Variants in DDX60L observed in about 807,000 individuals in gnomAD.
DDX60L encodes the protein DExD/H-box 60 like.
A neutral mutation model predicts 211.6 loss-of-function variants in DDX60L; 191 were observed. The ratio of observed to expected loss-of-function variants is 0.90; its 90% CI spans 0.80 to 1.02. The LOEUF (loss-of-function observed/expected upper bound fraction) is 1.02, where lower values mean the gene tolerates loss of function less well. Among genes scored for constraint, DDX60L ranks in the 50% least tolerant of loss-of-function variants. The pLI is 0.00. For synonymous variants in DDX60L, 706 were observed against 694.1 expected (o/e 1.02, Z -0.27); for missense variants, 2,007 against 1,984.1 (o/e 1.01, Z -0.22).
intron 33 of DDX60L, among the ~76,000 whole-genome samples, chr4:168,376,797 G>A (rs1579239237): frequency 2.6e-5 from 4 of 152,340 alleles, no homozygotes; most frequent in Admixed American, 2.6e-4. Flanking sequence ...CCCATCAGGA[G>A]AGCAAGCTCT....
At chr4:168,454,074 G>T (rs2712140) in intron 7 of DDX60L, among the ~76,000 whole-genome samples, 1 of 152,012 alleles carries the variant, frequency 6.6e-6, no homozygotes, top group East Asian at 1.9e-4. Flanking sequence ...ACCCTATGAT[G>T]GGTGCTATTC....
At chr4:168,477,566 A>G (rs1446171794) in intron 1 of DDX60L, among the ~76,000 whole-genome samples, 1 of 152,206 alleles carries the variant, frequency 6.6e-6, no homozygotes, top group African/African-American at 2.4e-5. Flanking sequence ...AACATACCAC[A>G]GGTTTGTAAT....
At chr4:168,396,242 C>G in intron 26 of DDX60L, 118 bp from the exon 27 acceptor site, 1 of 602,562 alleles carries the variant, frequency 1.7e-6, no homozygotes, top group South Asian at 2.7e-5. Flanking sequence ...GTAGCTCCAT[C>G]AATCCTGACT....
chr4:168,416,780 T>C lies in DDX60L; in HGVS notation c.2628A>G (p.Arg876=), dbSNP rs759006232. The change falls in exon 20 of 38, where the codon AGA becomes AGG. Residue 876 remains arginine, a synonymous_variant. Coordinates refer to ENST00000682922, the MANE Select transcript of DDX60L (RefSeq NM_001012967.3). The stretch of plus-strand genomic sequence containing the variant: ...GCTCCCAAAATTTTGCTCCAACTTC[T>C]CTGCCAAGATAATGGACCTAGTAAA... ...VIFDEVHYLG[R]EVGAKFWELL... The C allele has an allele frequency of 8.8e-6, 14 of 1,591,094 alleles. No homozygotes were observed. In the African/African-American group the frequency reaches 9.5e-5, roughly 11 times the overall value.
At chr4:168,433,161 C>A in intron 10 of DDX60L, 46 bp from the exon 11 acceptor site, 2 of 1,242,902 alleles carry the variant, frequency 1.6e-6, no homozygotes, top group Non-Finnish European at 2.3e-6. Flanking sequence ...GTGTAACTAT[C>A]CTATATGAAT....
intron 22 of DDX60L, among the ~76,000 whole-genome samples, chr4:168,411,860 G>A (rs1057426761): frequency 2.6e-5 from 4 of 152,022 alleles, no homozygotes; most frequent in African/African-American, 9.7e-5. Context: ...TGAGAGGAGA[G>A]GGAAGAGTAA....
chr4:168,376,166 A>C (rs1490079027), intron 33 of DDX60L, among the ~76,000 whole-genome samples: 2 of 152,198 alleles, frequency 1.3e-5, no homozygotes, highest in Non-Finnish European at 2.9e-5. Context: ...AATAGCTATG[A>C]CATTAGAAAT....
intron 4 of DDX60L, chr4:168,469,706 T>C (rs1247174977): frequency 1.3e-5 from 2 of 152,192 alleles, no homozygotes; most frequent in Middle Eastern, 6.8e-3. Context: ...TGAAACCCCA[T>C]GTCTACTAAA....
intron 17 of DDX60L, 34 bp from the exon 18 acceptor site, chr4:168,420,414 A>G (rs988211230): frequency 6.3e-7 from 1 of 1,580,742 alleles, no homozygotes; most frequent in Admixed American, 1.9e-5. Flanking sequence ...TTAGTCACTT[A>G]GTAGAGAAGA....
intron 22 of DDX60L, among the ~76,000 whole-genome samples, 188 bp downstream of exon 22, chr4:168,415,220 T>C (rs1270985353): frequency 6.6e-6 from 1 of 151,990 alleles, no homozygotes; most frequent in Admixed American, 6.6e-5. Flanking sequence ...ACAGCTACTT[T>C]AGATGCCCAC....
chr4:168,406,690 A>C lies in DDX60L; in HGVS notation c.2996T>G (p.Phe999Cys). 1 of 1,597,954 alleles carries C rather than the reference A, an allele frequency of 6.3e-7. No individual in the cohort carries two copies. The highest frequency in any genetic ancestry group is 8.5e-7 in the Non-Finnish European group (1 of 1,173,708). ...LTTDIIEKYGFPPDLTLTPQE... is the reference protein window; with the variant it reads ...LTTDIIEKYGCPPDLTLTPQE... ...AGGGGTGAGGGTAAGATCAGGTGGG[A>C]ATCCATACTTTTCAATCTGTGAATA... Residue 999 changes from phenylalanine (F) to cysteine (C), a missense_variant, in exon 23 of 38, where the codon TTC (phenylalanine) becomes TGC (cysteine). Transcript: ENST00000682922.
chr4:168,357,203 G>A lies in DDX60L; in HGVS notation c.*944C>T, dbSNP rs1738326771. The stretch of plus-strand genomic sequence containing the variant: ...CAGGAAGTGTACTCTTGATCATTTA[G>A]AAATAAGAAAGTGTAGGGGACTTAA... On this transcript the variant is annotated 3_prime_UTR_variant, in exon 38 of 38. Coordinates refer to ENST00000682922, the MANE Select transcript of DDX60L (RefSeq NM_001012967.3). The A allele has an allele frequency of 6.6e-6, 1 of 152,156 alleles. No individual in the cohort carries two copies. Among genetic ancestry groups the A allele is most frequent in the African/African-American group, 2.4e-5 (1 of 41,432 alleles). The allele number at this position is 152,156 out of a possible 1,614,324, so 9.4% of individuals were successfully genotyped here.
At chr4:168,361,908 C>G (rs1465418203) in intron 36 of DDX60L, among the ~76,000 whole-genome samples, 1 of 152,190 alleles carries the variant, frequency 6.6e-6, no homozygotes, top group African/African-American at 2.4e-5. Context: ...ACCTAAGCAG[C>G]TATGGCATGA....
intron 35 of DDX60L, 111 bp downstream of exon 35, chr4:168,373,555 G>T: frequency 9.3e-7 from 1 of 1,073,956 alleles, no homozygotes; most frequent in African/African-American, 1.6e-5. Context: ...ATGCTCATCA[G>T]TGGACATTTT....
At chr4:168,378,625 C>G in intron 32 of DDX60L, 150 bp from the exon 33 acceptor site, 2 of 572,852 alleles carry the variant, frequency 3.5e-6, no homozygotes, top group Non-Finnish European at 6.0e-6. Context: ...ATTTGCAATA[C>G]TATGTGCACA....
intron 17 of DDX60L, among the ~76,000 whole-genome samples, chr4:168,421,021 A>G (rs1750519855): frequency 6.6e-6 from 1 of 152,052 alleles, no homozygotes; most frequent in African/African-American, 2.4e-5. Context: ...ACACAAAGAG[A>G]TTTTTCTGTT....
chr4:168,416,868 C>A (rs539717903), intron 19 of DDX60L, 71 bp from the exon 20 acceptor site: 25 of 807,954 alleles, frequency 3.1e-5, no homozygotes, highest in Non-Finnish European at 4.7e-5. Context: ...AGCATAAAAT[C>A]ATCATGCATA....
rs773445774 is a variant in DDX60L at position 168,416,752 on chromosome 4, G to A, written c.2656C>T (p.Leu886Phe). The A allele has an allele frequency of 8.1e-6, 13 of 1,606,932 alleles. No homozygotes were observed. In the South Asian group the frequency reaches 1.5e-4, roughly 18 times the overall value. ...REVGAKFWEL[L>F]LVIIRCPFLV... is the part of the protein sequence containing the mutation. Reference sequence around the variant, plus strand: ...AAGGGACATCGAATAATGACAAGGAGGAGCTCCCAAAATTTTGCTCCAACT... The same window carrying A: ...AAGGGACATCGAATAATGACAAGGAAGAGCTCCCAAAATTTTGCTCCAACT... The change falls in exon 20 of 38, where the codon CTC becomes TTC. Residue 886 changes from leucine (L) to phenylalanine (F), a missense_variant. By Grantham distance (22) the Leu-to-Phe change is conservative. Transcript: ENST00000682922.
intron 10 of DDX60L, among the ~76,000 whole-genome samples, chr4:168,440,872 T>C (rs1753727226): frequency 6.6e-6 from 1 of 152,186 alleles, no homozygotes; most frequent in Non-Finnish European, 1.5e-5. Context: ...CAATAACTTT[T>C]AAGCATAATG....
Sources: gnomAD v4.1 joint callset for allele counts (sites outside exome capture counted in the v4.1 genomes callset) on GRCh38, gnomAD v4.1.1 for gene constraint, MANE v1.5 for transcripts, NCBI Gene and HGNC (gene_info 2026-07-23, HGNC 2026-07-21) for gene names.